The following EMP2 variants were observed in gnomAD, a reference collection of about 807,000 sequenced individuals.
EMP2 encodes the protein epithelial membrane protein 2.
Under a neutral mutation model 13.7 loss-of-function variants are expected in EMP2, and 19 were observed. That is an observed-to-expected ratio of 1.38 (90% CI 0.97 to 2.03). The LOEUF is 2.03. EMP2 is among the 30% of genes most tolerant of loss of function. EMP2 has a pLI of 0.00. For missense variants in EMP2, 253 were observed against 220.7 expected, an observed-to-expected ratio of 1.15 and a Z score of -0.93; for synonymous variants, 97 against 84.7, an observed-to-expected ratio of 1.15 and a Z score of -0.80.
intron 1 of EMP2, among the ~76,000 whole-genome samples, chr16:10,579,409 C>T (rs887964970): frequency 1.3e-5 from 2 of 151,918 alleles, no homozygotes; most frequent in African/African-American, 4.8e-5. Flanking sequence ...TCATTTTAAC[C>T]GATGATAAGC....
chr16:10,538,570 G>A (rs193037223), intron 3 of EMP2, among the ~76,000 whole-genome samples: 20 of 152,190 alleles, frequency 1.3e-4, no homozygotes, highest in Admixed American at 4.6e-4. Flanking sequence ...TGATCTTCAC[G>A]GTCACTACTT....
At chr16:10,563,315 C>T (rs1298771661) in intron 1 of EMP2, among the ~76,000 whole-genome samples, 1 of 152,176 alleles carries the variant, frequency 6.6e-6, no homozygotes, top group Non-Finnish European at 1.5e-5. Context: ...CCTCAGTCTC[C>T]CAAGTAGCTG....
At chr16:10,565,183 A>C (rs756313360) in intron 1 of EMP2, among the ~76,000 whole-genome samples, 2 of 152,210 alleles carry the variant, frequency 1.3e-5, no homozygotes, top group Non-Finnish European at 2.9e-5. Flanking sequence ...TGATTTGAAA[A>C]GGATTCTATG....
At chr16:10,569,536 T>A (rs890312979) in intron 1 of EMP2, among the ~76,000 whole-genome samples, 1 of 151,966 alleles carries the variant, frequency 6.6e-6, no homozygotes, top group Non-Finnish European at 1.5e-5. Flanking sequence ...CTTGAACTAG[T>A]CTTGAACTCC....
rs145664695 is a variant in EMP2, at chr16:10,558,242, G to T, written c.-60-10565C>A. On this transcript the variant is annotated intron_variant, in intron 1 of 4. Transcript: ENST00000359543. ...GAGTCTTGCTGTGTTGCCCAGGCTG[G>T]TCTCAAACTCCTGGCCTCAAGCCAT... Among the ~76,000 whole-genome samples the T allele has an allele frequency of 6.0e-3, 918 of 152,128 alleles. 7 individuals carry two copies. The highest frequency in any genetic ancestry group is 0.011 in the Non-Finnish European group (717 of 67,996).
At chr16:10,569,481 G>A (rs1336989551) in intron 1 of EMP2, among the ~76,000 whole-genome samples, 1 of 151,944 alleles carries the variant, frequency 6.6e-6, no homozygotes, top group Non-Finnish European at 1.5e-5. Context: ...ACCATACCTG[G>A]GTAATTTTTT....
chr16:10,569,313 A>G (rs1192579395), intron 1 of EMP2, among the ~76,000 whole-genome samples: 3 of 152,134 alleles, frequency 2.0e-5, no homozygotes, highest in African/African-American at 7.2e-5. Flanking sequence ...AAATTGATTC[A>G]TTTTTAAAAT....
At chr16:10,559,447 G>A (rs549385633) in intron 1 of EMP2, among the ~76,000 whole-genome samples, 3 of 152,208 alleles carry the variant, frequency 2.0e-5, no homozygotes, top group Non-Finnish European at 2.9e-5. Context: ...GGCAACAGGC[G>A]GGACACTGGA....
chr16:10,562,247 T>G (rs986148565), intron 1 of EMP2, among the ~76,000 whole-genome samples: 1 of 152,118 alleles, frequency 6.6e-6, no homozygotes, highest in African/African-American at 2.4e-5. Flanking sequence ...GATGCCCAGC[T>G]GGCCTTGTGA....
Position 10,529,286 on chromosome 16 carries a change from A to G in EMP2, c.*3619T>C, listed in dbSNP as rs1216638321. 6.6e-6 allele frequency: 1 copy of G among 152,206 alleles called. No homozygotes were observed. Among genetic ancestry groups the G allele is most frequent in the Non-Finnish European group, 1.5e-5 (1 of 68,028 alleles). 9.4% of individuals were successfully genotyped at this position (152,206 alleles called of 1,614,324 possible). On this transcript the variant is annotated 3_prime_UTR_variant, in exon 5 of 5. Transcript: ENST00000359543. ...AATTTTGTTGTTGTTATTGTTCTTG[A>G]ATAACTGGTAATAAGCACCAAGTGA... is the stretch of plus-strand genomic sequence containing the variant.
chr16:10,555,884 G>A (rs527672192), intron 1 of EMP2, among the ~76,000 whole-genome samples: 1 of 152,116 alleles, frequency 6.6e-6, no homozygotes, highest in Non-Finnish European at 1.5e-5. Flanking sequence ...ATGACACCTC[G>A]CCAAAGCAAT....
At position 10,561,305 on chromosome 16, in the gene EMP2, T is replaced by C. The variant is rs541399910; in HGVS notation, c.-60-13628A>G. Among the ~76,000 whole-genome samples the C allele has an allele frequency of 7.2e-5, 11 of 152,230 alleles. No homozygotes were observed. In the South Asian group the frequency reaches 2.1e-3, roughly 29 times the overall value. ...ACATGGTAGAAATGCATTCAGGTAG[T>C]TGGAAATATAGTCAGGACTGTCACT... On this transcript the variant is annotated intron_variant, in intron 1 of 4. Coordinates refer to ENST00000359543, the MANE Select transcript of EMP2 (RefSeq NM_001424.6).
At chr16:10,560,604 G>T (rs956122417) in intron 1 of EMP2, among the ~76,000 whole-genome samples, 21 of 152,224 alleles carry the variant, frequency 1.4e-4, no homozygotes, top group African/African-American at 5.1e-4. Context: ...TGTGTGCCCT[G>T]GGGCTGCCGG....
intron 1 of EMP2, among the ~76,000 whole-genome samples, chr16:10,562,334 T>C (rs1305236843): frequency 3.2e-5 from 4 of 125,880 alleles, no homozygotes; most frequent in Admixed American, 7.8e-5. Flanking sequence ...GCCTCATGCA[T>C]GTTCTCTCTC....
chr16:10,578,572 G>C (rs1481919385), intron 1 of EMP2, among the ~76,000 whole-genome samples: 1 of 152,198 alleles, frequency 6.6e-6, no homozygotes, highest in Non-Finnish European at 1.5e-5. Flanking sequence ...GTGGGGCAGT[G>C]TCAGCCCCAA....
chr16:10,562,934 A>G (rs1367403777), intron 1 of EMP2, among the ~76,000 whole-genome samples: 2 of 152,152 alleles, frequency 1.3e-5, no homozygotes. Flanking sequence ...TAATTATGCT[A>G]CCCAGTAAAA....
chr16:10,541,793 G>A (rs2050701543), intron 3 of EMP2, among the ~76,000 whole-genome samples: 1 of 152,162 alleles, frequency 6.6e-6, no homozygotes, highest in Admixed American at 6.5e-5. Context: ...TCCTGGCTAT[G>A]CGGCCTTGGG....
intron 1 of EMP2, among the ~76,000 whole-genome samples, chr16:10,562,339 T>TCC: frequency 3.1e-5 from 1 of 32,568 alleles, no homozygotes; most frequent in East Asian, 4.2e-4. Context: ...ATGCATGTTC[T>TCC]CTCTCTCTCT....
At chr16:10,559,965 G>A (rs1230931872) in intron 1 of EMP2, among the ~76,000 whole-genome samples, 4 of 152,144 alleles carry the variant, frequency 2.6e-5, no homozygotes, top group Admixed American at 6.5e-5. Context: ...GTGAGCCACC[G>A]TGCCCAGCAG....
Sources: allele counts gnomAD v4.1 joint callset (sites outside exome capture counted in the v4.1 genomes callset), GRCh38; gene constraint gnomAD v4.1.1; transcripts MANE v1.5; gene names NCBI Gene and HGNC (gene_info 2026-07-23, HGNC 2026-07-21).